Variants in ARHGAP32 observed in about 807,000 individuals in gnomAD.
ARHGAP32 encodes rho GTPase-activating protein 32.
Under a neutral mutation model 186.5 loss-of-function variants are expected in ARHGAP32, and 51 were observed. The ratio of observed to expected loss-of-function variants is 0.27; its 90% CI spans 0.22 to 0.35. The LOEUF (loss-of-function observed/expected upper bound fraction) is 0.35, where lower values mean the gene tolerates loss of function less well. ARHGAP32 is among the 10% of genes least tolerant of loss of function. The probability of loss-of-function intolerance (pLI) is 1.00; values close to 1 mark genes in which losing one functional copy is unlikely to be tolerated. For missense variants in ARHGAP32, 2,186 were observed against 2,623.5 expected (o/e 0.83, Z 3.64); for synonymous variants, 950 against 964.3 (o/e 0.99, Z 0.27).
chr11:129,036,380 CAAAAAAAAAAAAAA>C (rs58678377), intron 11 of ARHGAP32, among the ~76,000 whole-genome samples: 40,133 of 99,106 alleles, frequency 0.4, 6,442 homozygotes, highest in Middle Eastern at 0.55. Context: ...AACTCCGTCT[CAAAAAAAAAAAAAA>C]AAAAAAAAAA....
intron 1 of ARHGAP32, among the ~76,000 whole-genome samples, chr11:129,182,634 G>A (rs1023716609): frequency 6.7e-6 from 1 of 149,444 alleles, no homozygotes; most frequent in Non-Finnish European, 1.5e-5. Context: ...AATTCTCTAT[G>A]TTTTCTATTA....
chr11:129,201,267 T>C (rs1430872192), intron 1 of ARHGAP32, among the ~76,000 whole-genome samples: 1 of 152,208 alleles, frequency 6.6e-6, no homozygotes, highest in East Asian at 1.9e-4. Flanking sequence ...AAGCAAAGAT[T>C]ATAAGTATAC....
rs1469043341 is a variant in ARHGAP32 at position 128,974,675 on chromosome 11, T to G, written c.2522A>C (p.Asp841Ala). ...ATCCTTTTTATTGGCACTTGGTTTA[T>G]CCTTGGAGTATCCTGGTGAATCTAA... ...SFLDSPGYSK[D>A]KPSANKKDAE... is the part of the protein sequence containing the mutation. Residue 841 changes from aspartate to alanine, a missense_variant, in exon 21 of 23, where the codon GAT becomes GCT. Coordinates refer to ENST00000682385, the MANE Select transcript of ARHGAP32 (RefSeq NM_001378024.1). 13 of 1,614,084 alleles carry G rather than the reference T, an allele frequency of 8.1e-6. No homozygotes were observed. The highest frequency in any genetic ancestry group is 1.1e-5 in the Non-Finnish European group (13 of 1,180,040).
Position 129,103,244 on chromosome 11 carries a change from T to C in ARHGAP32, c.445-9537A>G, listed in dbSNP as rs10437706. Reference sequence around the variant, plus strand: ...ATTAAAACTATGAAAAAAAGTTCCATAGAAAATGCGAAAAATGATTTTTTG... The same window carrying C: ...ATTAAAACTATGAAAAAAAGTTCCACAGAAAATGCGAAAAATGATTTTTTG... On this transcript the variant is annotated intron_variant, in intron 5 of 22. Transcript: ENST00000682385. Among the ~76,000 whole-genome samples, 1,019 of 152,124 alleles carry C rather than the reference T, an allele frequency of 6.7e-3. 5 individuals are homozygous for C. The highest frequency in any genetic ancestry group is 0.02 in the African/African-American group (836 of 41,498).
rs1404095166 is a variant in ARHGAP32, at chr11:128,968,030, G to C, written c.*877C>G. On this transcript the variant is annotated 3_prime_UTR_variant, in exon 23 of 23. Transcript: ENST00000682385. ...ACAATTCACCAAATCTTATTGAGGG[G>C]TGGGGTAAGAAGAAAACCTGAAGGC... 1 of 151,180 alleles carries C rather than the reference G, an allele frequency of 6.6e-6. No individual in the cohort carries two copies. The highest frequency in any genetic ancestry group is 1.5e-5 in the Non-Finnish European group (1 of 67,902). 9.4% of individuals were successfully genotyped at this position (151,180 alleles called of 1,614,324 possible).
intron 6 of ARHGAP32, among the ~76,000 whole-genome samples, chr11:129,067,083 C>T (rs1012046878): frequency 6.6e-6 from 1 of 151,896 alleles, no homozygotes; most frequent in Non-Finnish European, 1.5e-5. Context: ...TAGAACTCTC[C>T]ACCATCCCTC....
Position 128,974,287 on chromosome 11 carries a change from T to A in ARHGAP32, c.2910A>T (p.Ile970=). The change falls in exon 21 of 23, where the codon ATA becomes ATT. Residue 970 remains isoleucine (I), a synonymous_variant. Transcript: ENST00000682385. ...RDATNRSPTQ[I]VKMKTNETVA... ...CTGTCTCATTTGTTTTCATCTTTAC[T>A]ATCTGGGTGGGGGATCTATTTGTGG... 1 of 1,614,226 alleles carries A rather than the reference T, an allele frequency of 6.2e-7. No homozygotes were observed. Among genetic ancestry groups the A allele is most frequent in the Non-Finnish European group, 8.5e-7 (1 of 1,180,040 alleles).
intron 11 of ARHGAP32, among the ~76,000 whole-genome samples, chr11:129,021,530 C>T (rs144031134): frequency 6.6e-6 from 1 of 152,080 alleles, no homozygotes; most frequent in Admixed American, 6.5e-5. Flanking sequence ...AATCATAGTT[C>T]CCTTGGGAAA....
chr11:129,151,563 G>C (rs1429130980), intron 2 of ARHGAP32, among the ~76,000 whole-genome samples: 1 of 151,942 alleles, frequency 6.6e-6, no homozygotes, highest in Non-Finnish European at 1.5e-5. Context: ...AACTCGAAAA[G>C]GAACACCCAA....
intron 1 of ARHGAP32, among the ~76,000 whole-genome samples, chr11:129,269,921 G>C (rs926362516): frequency 6.6e-6 from 1 of 152,110 alleles, no homozygotes; most frequent in African/African-American, 2.4e-5. Flanking sequence ...TGGTGAGGTT[G>C]TAAAATGGCA....
upstream of ARHGAP32, among the ~76,000 whole-genome samples, chr11:129,193,733 ATATATAT>A (rs1250761985): frequency 2.3e-5 from 2 of 85,582 alleles, no homozygotes; most frequent in Non-Finnish European, 2.1e-5. Flanking sequence ...ATTATATATA[ATATATAT>A]TATATAATAC....
intron 1 of ARHGAP32, among the ~76,000 whole-genome samples, chr11:129,180,727 C>A (rs1944037254): frequency 1.3e-5 from 2 of 152,026 alleles, no homozygotes; most frequent in Admixed American, 1.3e-4. Flanking sequence ...GGCTGCCAAC[C>A]ATAATACCTA....
At position 129,192,135 on chromosome 11, in the gene ARHGAP32, C is replaced by T; in HGVS notation, c.64G>A (p.Val22Ile). 6.2e-7 allele frequency: 1 copy of T among 1,613,870 alleles called. No homozygotes were observed. The highest frequency in any genetic ancestry group is 8.5e-7 in the Non-Finnish European group (1 of 1,179,830). Residue 22 changes from valine to isoleucine, a missense_variant, in exon 1 of 23, where the codon GTT (valine) becomes ATT (isoleucine). Coordinates refer to ENST00000682385, the MANE Select transcript of ARHGAP32 (RefSeq NM_001378024.1). ...TCACAGTCAGTCACCTGGATTATAA[C>T]TTCAGACTCCAACCAGAAGACACTG... The part of the protein sequence containing the change: ...DDSVFWLESE[V>I]IIQVTDCEEE...
intron 2 of ARHGAP32, among the ~76,000 whole-genome samples, chr11:129,154,203 T>C (rs577315712): frequency 6.6e-6 from 1 of 152,278 alleles, no homozygotes; most frequent in Non-Finnish European, 1.5e-5. Flanking sequence ...TCTGCAGCAA[T>C]AGCCATAATT....
chr11:129,173,171 A>G (rs1359039716), intron 1 of ARHGAP32, among the ~76,000 whole-genome samples: 1 of 152,100 alleles, frequency 6.6e-6, no homozygotes, highest in African/African-American at 2.4e-5. Context: ...ATCAGAGAAT[A>G]CTATAAACAT....
intron 17 of ARHGAP32, among the ~76,000 whole-genome samples, chr11:128,981,171 A>G (rs779335741): frequency 6.6e-6 from 1 of 152,208 alleles, no homozygotes; most frequent in African/African-American, 2.4e-5. Context: ...TTTAATACAC[A>G]TCAATAATGA....
intron 2 of ARHGAP32, among the ~76,000 whole-genome samples, chr11:129,160,316 C>T (rs1011707287): frequency 2.6e-5 from 4 of 152,152 alleles, no homozygotes; most frequent in African/African-American, 9.7e-5. Flanking sequence ...CAAATTGTCT[C>T]TGTTTGCAGA....
chr11:129,055,330 A>G (rs1940208384), intron 10 of ARHGAP32, among the ~76,000 whole-genome samples: 1 of 152,224 alleles, frequency 6.6e-6, no homozygotes, highest in African/African-American at 2.4e-5. Flanking sequence ...ATTCACTGCT[A>G]GTAACAATGC....
intron 5 of ARHGAP32, among the ~76,000 whole-genome samples, chr11:129,107,998 G>A (rs1942097328): frequency 6.6e-6 from 1 of 151,604 alleles, no homozygotes; most frequent in African/African-American, 2.4e-5. Context: ...AAAGAGAACA[G>A]CCATATAAAA....
Sources: allele counts gnomAD v4.1 joint callset (sites outside exome capture counted in the v4.1 genomes callset), GRCh38; gene constraint gnomAD v4.1.1; transcripts MANE v1.5; gene names NCBI Gene and HGNC (gene_info 2026-07-23, HGNC 2026-07-21).